The following SESTD1 variants were observed in gnomAD, a reference collection of about 807,000 sequenced individuals.
The protein encoded by SESTD1 is SEC14 and spectrin domain containing 1, also known as SEC14 domain and spectrin repeat-containing protein 1.
SESTD1 carries 43 observed loss-of-function variants against 101.7 expected under a neutral mutation model. That is an observed-to-expected ratio of 0.42 (90% CI 0.33 to 0.55). SESTD1 has a LOEUF of 0.55. SESTD1 is among the 20% of genes least tolerant of loss of function. The probability of loss-of-function intolerance (pLI) is 0.07; values close to 1 mark genes in which losing one functional copy is unlikely to be tolerated. For missense variants in SESTD1, 647 were observed against 815.1 expected (o/e 0.79, Z 2.51); for synonymous variants, 283 against 286.8 (o/e 0.99, Z 0.13).
At chr2:179,161,656 G>A (rs1213709032) in intron 5 of SESTD1, among the ~76,000 whole-genome samples, 11 of 144,552 alleles carry the variant, frequency 7.6e-5, no homozygotes, top group African/African-American at 2.3e-4. Flanking sequence ...GTGAGACTCC[G>A]TCTCAAAAAA....
At chr2:179,155,185 G>C (rs1053776198) in intron 5 of SESTD1, among the ~76,000 whole-genome samples, 2 of 151,994 alleles carry the variant, frequency 1.3e-5, no homozygotes, top group Non-Finnish European at 2.9e-5. Flanking sequence ...TAAAGTGCTA[G>C]GATTACAGGT....
intron 1 of SESTD1, among the ~76,000 whole-genome samples, chr2:179,243,293 T>A (rs1326381157): frequency 6.6e-6 from 1 of 152,158 alleles, no homozygotes; most frequent in East Asian, 1.9e-4. Context: ...AGGGAAACAT[T>A]TATATACTGT....
chr2:179,224,231 C>T (rs898590779), intron 1 of SESTD1, among the ~76,000 whole-genome samples: 1 of 152,118 alleles, frequency 6.6e-6, no homozygotes, highest in African/African-American at 2.4e-5. Context: ...CATATAAACA[C>T]GATCCTAATC....
chr2:179,180,901 G>A (rs2046096022), intron 3 of SESTD1, among the ~76,000 whole-genome samples: 1 of 152,112 alleles, frequency 6.6e-6, no homozygotes, highest in South Asian at 2.1e-4. Flanking sequence ...AATTATGGGA[G>A]GCTGATCCAA....
intron 1 of SESTD1, among the ~76,000 whole-genome samples, chr2:179,243,959 TATACAC>T (rs1559159292): frequency 1.4e-5 from 2 of 147,904 alleles, no homozygotes; most frequent in African/African-American, 5.0e-5. Flanking sequence ...TATATATATA[TATACAC>T]ACACACACAC....
intron 1 of SESTD1, among the ~76,000 whole-genome samples, chr2:179,245,678 C>A (rs1243822773): frequency 6.6e-5 from 10 of 151,738 alleles, no homozygotes. Context: ...CAGAGTGAGA[C>A]CCTGTCTCAA....
chr2:179,255,410 G>A (rs902154264), intron 1 of SESTD1, among the ~76,000 whole-genome samples: 4 of 152,228 alleles, frequency 2.6e-5, no homozygotes, highest in African/African-American at 9.6e-5. Flanking sequence ...AAGTGAAACA[G>A]CCACATTGTT....
At chr2:179,128,927 C>CT (rs199560649) in intron 10 of SESTD1, among the ~76,000 whole-genome samples, 1,755 of 152,094 alleles carry the variant, frequency 0.012, 29 homozygotes, top group African/African-American at 0.037. Flanking sequence ...AAGAAAAGGG[C>CT]TTGAAGGTTC....
intron 1 of SESTD1, among the ~76,000 whole-genome samples, chr2:179,231,301 C>T (rs1158882698): frequency 2.0e-5 from 3 of 151,720 alleles, no homozygotes; most frequent in African/African-American, 7.3e-5. Context: ...ATGAAACAGA[C>T]ATAATGCAAC....
chr2:179,209,793 C>T (rs1291025141), intron 1 of SESTD1, among the ~76,000 whole-genome samples: 1 of 133,396 alleles, frequency 7.5e-6, no homozygotes, highest in Admixed American at 7.3e-5. Flanking sequence ...TCTAAGTTCA[C>T]ACCTCAAAGA....
chr2:179,121,654 C>T (rs75140769), intron 13 of SESTD1, 116 bp downstream of exon 13: 24,166 of 761,790 alleles, frequency 0.032, 455 homozygotes, highest in Non-Finnish European at 0.036. Context: ...AAACCTACTA[C>T]ATGTCTTCTA....
chr2:179,115,111 ACT>A lies in SESTD1; in HGVS notation c.1791_1792del (p.Arg597SerfsTer3), dbSNP rs780498822. 1.2e-6 allele frequency: 2 copies of A among 1,611,064 alleles called. No homozygotes were observed. Among genetic ancestry groups the A allele is most frequent in the Non-Finnish European group, 1.7e-6 (2 of 1,179,386 alleles). On this transcript the variant is annotated frameshift_variant, in exon 16 of 18. Transcript: ENST00000428443. LOFTEE classifies it high-confidence loss of function. ...TGCAATAGCCATTTCCAATCTATGT[ACT>A]CTCTCTTCAGATGCTATTGTAAATT...
At position 179,264,720 on chromosome 2, in the gene SESTD1, T is replaced by C. The variant is rs991718860; in HGVS notation, c.-247A>G. On this transcript the variant is annotated 5_prime_UTR_variant, in exon 1 of 18. Transcript: ENST00000428443. ...CCGTGCGTCAGGCGGGGAGCGGGGG[T>C]GCGGGTGGCCCGGCGACCTCTCGGC... 3.3e-5 allele frequency: 5 copies of C among 150,222 alleles called. No homozygotes were observed. The highest frequency in any genetic ancestry group is 1.2e-4 in the African/African-American group (5 of 40,824). The allele number at this position is 150,222 out of a possible 1,614,324, so 9.3% of individuals were successfully genotyped here.
At chr2:179,116,460 T>C (rs538736237) in intron 15 of SESTD1, 13 of 667,114 alleles carry the variant, frequency 1.9e-5, no homozygotes, top group African/African-American at 3.6e-5. Context: ...AGAGGGACCA[T>C]GCAGAACATG....
intron 2 of SESTD1, among the ~76,000 whole-genome samples, chr2:179,189,018 C>T (rs529764413): frequency 6.6e-6 from 1 of 152,166 alleles, no homozygotes; most frequent in Non-Finnish European, 1.5e-5. Context: ...AGAGCTAGTA[C>T]CAATCCTACT....
intron 1 of SESTD1, among the ~76,000 whole-genome samples, chr2:179,245,187 A>G (rs1396534722): frequency 1.3e-5 from 2 of 151,946 alleles, no homozygotes; most frequent in Non-Finnish European, 2.9e-5. Flanking sequence ...TGTTGGCAAC[A>G]TAGCAAGACC....
At chr2:179,200,928 T>G (rs2046501304) in intron 1 of SESTD1, among the ~76,000 whole-genome samples, 1 of 134,224 alleles carries the variant, frequency 7.5e-6, no homozygotes, top group Admixed American at 7.2e-5. Flanking sequence ...AAATGGGATC[T>G]AATTAAACTC....
At chr2:179,158,167 CTT>C (rs1295443416) in intron 5 of SESTD1, among the ~76,000 whole-genome samples, 1 of 152,190 alleles carries the variant, frequency 6.6e-6, no homozygotes, top group Non-Finnish European at 1.5e-5. Context: ...CCACTCCAAG[CTT>C]ATTCCCCAAT....
intron 1 of SESTD1, among the ~76,000 whole-genome samples, chr2:179,225,978 C>T (rs980159076): frequency 6.6e-6 from 1 of 152,040 alleles, no homozygotes; most frequent in Non-Finnish European, 1.5e-5. Flanking sequence ...CAGGATTGGC[C>T]ACTTATTGAT....
Sources: allele counts gnomAD v4.1 joint callset (sites outside exome capture counted in the v4.1 genomes callset), GRCh38; gene constraint gnomAD v4.1.1; transcripts MANE v1.5; gene names NCBI Gene and HGNC (gene_info 2026-07-23, HGNC 2026-07-21).